BHMT2: variants seen among roughly 807,000 people sequenced by gnomAD.
BHMT2 encodes betaine--homocysteine S-methyltransferase 2.
Under a neutral mutation model 39.0 loss-of-function variants are expected in BHMT2, and 28 were observed. The ratio of observed to expected loss-of-function variants is 0.72; its 90% confidence interval spans 0.53 to 0.98. The LOEUF is 0.98. Ranked by LOEUF, BHMT2 falls within the 50% of genes least tolerant of loss-of-function variation. The pLI is 0.00. For missense variants in BHMT2, 410 were observed against 455.6 expected, an observed-to-expected ratio of 0.90 and a Z score of 0.91; for synonymous variants, 145 against 160.6, an observed-to-expected ratio of 0.90 and a Z score of 0.74.
chr5:79,075,243 A>C (rs993777409), intron 1 of BHMT2, among the ~76,000 whole-genome samples: 1 of 152,152 alleles, frequency 6.6e-6, no homozygotes, highest in African/African-American at 2.4e-5. Flanking sequence ...AGATAAAAGG[A>C]CTGTGCAATT....
intron 6 of BHMT2, 61 bp downstream of exon 6, chr5:79,083,435 A>T: frequency 6.5e-7 from 1 of 1,528,534 alleles, no homozygotes; most frequent in South Asian, 1.3e-5. Context: ...AAATGGCTAT[A>T]ATAAATTGTG....
rs921513399 is a variant in BHMT2 at position 79,090,062 on chromosome 5, A to G, written c.*1488A>G. On this transcript the variant is annotated 3_prime_UTR_variant, in exon 8 of 8. Coordinates refer to ENST00000255192, the MANE Select transcript of BHMT2 (RefSeq NM_017614.5). ...CAATTTGTGGCAATAAAAATGATTTACCTTTTATAGTGTTTGAATGTCGAA... is the reference window on the plus strand; with the variant it reads ...CAATTTGTGGCAATAAAAATGATTTGCCTTTTATAGTGTTTGAATGTCGAA... Among the ~76,000 whole-genome samples, 6 of 152,172 alleles carry G rather than the reference A, an allele frequency of 3.9e-5. No individual in the cohort carries two copies. The highest frequency in any genetic ancestry group is 1.4e-4 in the African/African-American group (6 of 41,436).
At chr5:79,079,486 G>A (rs1417343940) in intron 3 of BHMT2, 26 bp downstream of exon 3, 3 of 1,526,018 alleles carry the variant, frequency 2.0e-6, no homozygotes, top group Non-Finnish European at 2.7e-6. Context: ...TGGGTGTGGG[G>A]GAGGGAGTCA....
At chr5:79,072,231 C>T (rs1259184069) in intron 1 of BHMT2, among the ~76,000 whole-genome samples, 1 of 151,462 alleles carries the variant, frequency 6.6e-6, no homozygotes, top group East Asian at 1.9e-4. Context: ...CGCGCTACTG[C>T]ACTCCAGCCT....
intron 7 of BHMT2, among the ~76,000 whole-genome samples, chr5:79,085,596 G>C (rs534722969): frequency 6.6e-6 from 1 of 152,156 alleles, no homozygotes; most frequent in Non-Finnish European, 1.5e-5. Context: ...CAGGAGAATC[G>C]CTTGAATTCA....
At chr5:79,079,019 A>G (rs1049864325) in intron 2 of BHMT2, among the ~76,000 whole-genome samples, 1 of 152,194 alleles carries the variant, frequency 6.6e-6, no homozygotes, top group African/African-American at 2.4e-5. Context: ...AGGGCTGCCA[A>G]TGCTGACTAT....
intron 1 of BHMT2, among the ~76,000 whole-genome samples, chr5:79,074,170 C>T (rs79934478): frequency 1.0e-3 from 153 of 152,270 alleles, no homozygotes; most frequent in African/African-American, 3.4e-3. Context: ...TTTCTGGAAG[C>T]CCAGTGTAAA....
chr5:79,077,763 C>G, intron 2 of BHMT2, 151 bp downstream of exon 2: 3 of 912,796 alleles, frequency 3.3e-6, no homozygotes, highest in South Asian at 3.8e-5. Flanking sequence ...AGTATACAGG[C>G]GGAAGTATAT....
At chr5:79,084,078 T>C (rs1304918381) in intron 7 of BHMT2, among the ~76,000 whole-genome samples, 1 of 152,124 alleles carries the variant, frequency 6.6e-6, no homozygotes, top group Non-Finnish European at 1.5e-5. Context: ...ACAACAGAAA[T>C]TTCTTTCTCA....
intron 1 of BHMT2, among the ~76,000 whole-genome samples, chr5:79,075,050 C>T (rs964282401): frequency 1.3e-5 from 2 of 152,080 alleles, no homozygotes; most frequent in Admixed American, 6.5e-5. Context: ...CCTTGGGGGC[C>T]ATACAGTCTC....
rs60166823 is a variant in BHMT2, at chr5:79,088,608, C to G, written c.*34C>G. 8.6e-3 allele frequency: 13,760 copies of G among 1,597,250 alleles called. 82 individuals carry two copies. Among genetic ancestry groups the G allele is most frequent in the African/African-American group, 0.011 (796 of 74,468 alleles). ...GAAAGAAAACCCTGAAATAATCGAA[C>G]AGGAAAAAGTTGCCCTCAAGCCTGA... On this transcript the variant is annotated 3_prime_UTR_variant, in exon 8 of 8. Transcript: ENST00000255192.
At chr5:79,071,000 ATTGTGCT>A (rs1245402436) in intron 1 of BHMT2, 2 of 152,210 alleles carry the variant, frequency 1.3e-5, no homozygotes, top group Non-Finnish European at 2.9e-5. Context: ...ATCAAAGAAC[ATTGTGCT>A]TTTTTCTCTC....
rs368668984 is a variant in BHMT2, at chr5:79,077,541, C to T, written c.95C>T (p.Thr32Ile). The change falls in exon 2 of 8, where the codon ACT (threonine) becomes ATT (isoleucine). Residue 32 changes from threonine (T) to isoleucine (I), a missense_variant. By Grantham distance (89) the Thr-to-Ile change is moderately conservative. Transcript: ENST00000255192. Reference protein sequence around the residue: ...VVIGDGSFLITLEKRGYVKAG... With the variant: ...VVIGDGSFLIILEKRGYVKAG... Reference sequence around the variant, plus strand: ...ATTGGAGATGGCAGCTTTCTCATTACTCTGGAGAAGAGAGGCTATGTGAAG... The same window carrying T: ...ATTGGAGATGGCAGCTTTCTCATTATTCTGGAGAAGAGAGGCTATGTGAAG... The T allele has an allele frequency of 6.2e-6, 10 of 1,613,744 alleles. No individual in the cohort carries two copies. In the African/African-American group the frequency reaches 1.3e-4, roughly 22 times the overall value.
chr5:79,069,887 C>T lies in BHMT2; in HGVS notation c.33+72C>T, dbSNP rs59281454. The T allele has an allele frequency of 1.5e-3, 1,975 of 1,300,542 alleles. 23 individuals carry two copies. In the African/African-American group the frequency reaches 0.024, roughly 16 times the overall value. The allele number at this position is 1,300,542 out of a possible 1,614,324, so 80.6% of individuals were successfully genotyped here. The stretch of plus-strand genomic sequence containing the variant: ...TGCGAGCGACTCCGTTCACACCCGG[C>T]GTCCATCCCTAGCCAAGCCCTGGGG... On this transcript the variant is annotated intron_variant, in intron 1 of 7. Coordinates refer to ENST00000255192, the MANE Select transcript of BHMT2 (RefSeq NM_017614.5).
At chr5:79,072,947 G>A (rs1343800706) in intron 1 of BHMT2, among the ~76,000 whole-genome samples, 1 of 147,302 alleles carries the variant, frequency 6.8e-6, no homozygotes, top group East Asian at 2.0e-4. Flanking sequence ...CTCGACAATT[G>A]TTTGAGTAAA....
In BHMT2 at chr5:79,077,593, G is replaced by A. The variant is rs1054101979; in HGVS notation, c.147G>A (p.Val49=). ...VKAGLWTPEA[V]IEHPDAVRQL... is the part of the protein sequence containing the mutation. ...CTGGGCTCTGGACTCCAGAGGCAGT[G>A]ATAGAACACCCAGACGCAGGTTGGT... is the stretch of plus-strand genomic sequence containing the variant. Residue 49 remains valine, a synonymous_variant, in exon 2 of 8, where the codon GTG becomes GTA. Transcript: ENST00000255192. The A allele has an allele frequency of 2.5e-6, 4 of 1,613,908 alleles. No homozygotes were observed. The highest frequency in any genetic ancestry group is 3.4e-6 in the Non-Finnish European group (4 of 1,179,938).
intron 6 of BHMT2, 21 bp downstream of exon 6, chr5:79,083,395 G>A (rs769201568): frequency 1.3e-6 from 2 of 1,560,518 alleles, no homozygotes; most frequent in East Asian, 2.3e-5. Context: ...GTGCATAGTA[G>A]AGGTCCTTGT....
chr5:79,070,141 A>G (rs1055484713), intron 1 of BHMT2, among the ~76,000 whole-genome samples: 1 of 152,162 alleles, frequency 6.6e-6, no homozygotes, highest in Non-Finnish European at 1.5e-5. Context: ...GGGAGCGAGG[A>G]TCAGAAGTCT....
intron 7 of BHMT2, among the ~76,000 whole-genome samples, chr5:79,084,530 C>T (rs1380868167): frequency 6.6e-6 from 1 of 152,110 alleles, no homozygotes; most frequent in Non-Finnish European, 1.5e-5. Flanking sequence ...CCTTGGCCTC[C>T]CAAAGTTAGA....
Sources: allele counts gnomAD v4.1 joint callset (sites outside exome capture counted in the v4.1 genomes callset), GRCh38; gene constraint gnomAD v4.1.1; transcripts MANE v1.5; gene names NCBI Gene and HGNC (gene_info 2026-07-23, HGNC 2026-07-21).